The following ENTPD1 variants were observed in gnomAD, a reference collection of about 807,000 sequenced individuals.
ENTPD1 encodes ATP diphosphohydrolase.
In ENTPD1, 33 loss-of-function variants were observed where a neutral mutation model predicts 57.0. The observed-to-expected ratio is 0.58, with a 90% CI of 0.44 to 0.77. The LOEUF (loss-of-function observed/expected upper bound fraction) is 0.77, where lower values mean the gene tolerates loss of function less well. ENTPD1 is among the 30% of genes least tolerant of loss of function. The pLI is 0.00. For missense variants in ENTPD1, 501 were observed against 603.4 expected (o/e 0.83, Z 1.78); for synonymous variants, 202 against 218.8 (o/e 0.92, Z 0.68).
At chr10:95,730,134 T>C (rs2097987694) in intron 1 of ENTPD1, among the ~76,000 whole-genome samples, 1 of 152,114 alleles carries the variant, frequency 6.6e-6, no homozygotes, top group African/African-American at 2.4e-5. Flanking sequence ...TCTCCCAGGC[T>C]CAAGTGATCT....
chr10:95,864,875 C>T lies in ENTPD1; in HGVS notation c.1326+14C>T, dbSNP rs189600934. On this transcript the variant is annotated intron_variant, in intron 9 of 9. Coordinates refer to ENST00000371205, the MANE Select transcript of ENTPD1 (RefSeq NM_001776.6). ...TTCATTGGCAAGGTAATTTGGGGGCCTGTTGGGCTGGGGGGAGGTTGGGGT... is the reference window on the plus strand; with the variant it reads ...TTCATTGGCAAGGTAATTTGGGGGCTTGTTGGGCTGGGGGGAGGTTGGGGT... 2.5e-6 allele frequency: 4 copies of T among 1,607,446 alleles called. No individual in the cohort carries two copies. The highest frequency in any genetic ancestry group is 1.7e-5 in the Admixed American group (1 of 59,754).
chr10:95,864,716 ACTTCT>A lies in ENTPD1; in HGVS notation c.1189-7_1189-3del. ...ACGAGTATGATCTCCCCCTCACTTC[ACTTCT>A]AGATAAAAACATCTTACGCTGGAGT... On this transcript the variant is annotated splice_region_variant and splice_polypyrimidine_tract_variant and intron_variant, in intron 8 of 9. Coordinates refer to ENST00000371205, the MANE Select transcript of ENTPD1 (RefSeq NM_001776.6). 1 of 1,614,058 alleles carries A rather than the reference ACTTCT, an allele frequency of 6.2e-7. No homozygotes were observed. The highest frequency in any genetic ancestry group is 2.2e-5 in the East Asian group (1 of 44,872).
intron 3 of ENTPD1, among the ~76,000 whole-genome samples, chr10:95,841,483 C>A (rs911082550): frequency 2.6e-5 from 4 of 152,186 alleles, no homozygotes; most frequent in Admixed American, 2.6e-4. Flanking sequence ...AGAGAGAGTT[C>A]TCTAGTTAAT....
intron 8 of ENTPD1, among the ~76,000 whole-genome samples, chr10:95,861,857 A>C (rs568314414): frequency 6.6e-6 from 1 of 152,102 alleles, no homozygotes; most frequent in Admixed American, 6.5e-5. Context: ...TTAGCCGGGC[A>C]TGGTGGTGGG....
intron 2 of ENTPD1, among the ~76,000 whole-genome samples, chr10:95,837,497 T>C (rs1306854689): frequency 3.3e-5 from 5 of 152,070 alleles, no homozygotes; most frequent in Admixed American, 3.3e-4. Context: ...TGCAGAGGAG[T>C]CTGTCCAGCT....
In ENTPD1 at chr10:95,869,965, T is replaced by C. The variant is rs1178252145; in HGVS notation, c.*3582T>C. ...ACTGGACAGCACATGTCCAAAAAAA[T>C]ACACGTAAAGTTAAAGTTTAAAAGA... On this transcript the variant is annotated 3_prime_UTR_variant, in exon 10 of 10. Coordinates refer to ENST00000371205, the MANE Select transcript of ENTPD1 (RefSeq NM_001776.6). 1 of 985,466 alleles carries C rather than the reference T, an allele frequency of 1.0e-6. No homozygotes were observed. The highest frequency in any genetic ancestry group is 1.2e-6 in the Non-Finnish European group (1 of 829,928). 61.0% of individuals were successfully genotyped at this position (985,466 alleles called of 1,614,324 possible).
intron 1 of ENTPD1, among the ~76,000 whole-genome samples, chr10:95,759,710 C>T (rs183733522): frequency 1.5e-4 from 23 of 152,260 alleles, no homozygotes; most frequent in African/African-American, 4.6e-4. Flanking sequence ...AGTTTGCTCA[C>T]GGTCTAGTGG....
At chr10:95,815,442 G>T (rs768285464) in intron 1 of ENTPD1, among the ~76,000 whole-genome samples, 3 of 152,150 alleles carry the variant, frequency 2.0e-5, no homozygotes, top group Non-Finnish European at 4.4e-5. Flanking sequence ...GTAGGACATT[G>T]GTATCCTCAG....
At chr10:95,859,618 A>G (rs1467070904) in intron 7 of ENTPD1, among the ~76,000 whole-genome samples, 2 of 152,216 alleles carry the variant, frequency 1.3e-5, no homozygotes, top group Non-Finnish European at 2.9e-5. Context: ...GAAAGAGGAA[A>G]AGCACTGGAG....
upstream of ENTPD1, among the ~76,000 whole-genome samples, chr10:95,710,957 A>T (rs1299757135): frequency 6.6e-6 from 1 of 152,146 alleles, no homozygotes; most frequent in Non-Finnish European, 1.5e-5. Context: ...CCAGGATCCC[A>T]GAAAATGGTA....
At chr10:95,696,358 G>A in the ENTPD1 span, among the ~76,000 whole-genome samples, 1 of 152,118 alleles carries the variant, frequency 6.6e-6, no homozygotes, top group Non-Finnish European at 1.5e-5. Flanking sequence ...TTGGCTCACT[G>A]CAACCTCCAC....
At chr10:95,844,884 A>C (rs2098431158) in intron 5 of ENTPD1, 1 of 567,444 alleles carries the variant, frequency 1.8e-6, no homozygotes, top group Non-Finnish European at 3.1e-6. Flanking sequence ...AAGGAAATTA[A>C]AAATTTATCA....
intron 1 of ENTPD1, among the ~76,000 whole-genome samples, chr10:95,771,156 C>T (rs772611926): frequency 2.6e-5 from 4 of 152,064 alleles, no homozygotes; most frequent in African/African-American, 7.2e-5. Context: ...AATTGAATGG[C>T]TTTTACCATA....
At chr10:95,740,677 C>A (rs1255595916) in intron 1 of ENTPD1, among the ~76,000 whole-genome samples, 1 of 152,214 alleles carries the variant, frequency 6.6e-6, no homozygotes, top group Admixed American at 6.5e-5. Flanking sequence ...CATTGAAAAT[C>A]TGTTGTTTCG....
In ENTPD1 at chr10:95,869,410, C is replaced by T. The variant is rs948214777; in HGVS notation, c.*3027C>T. ...GATTGCAGGTGCCCACCACCACACC[C>T]GGCTAATTTTTGTATTTTTAGTAAA... On this transcript the variant is annotated 3_prime_UTR_variant, in exon 10 of 10. Coordinates refer to ENST00000371205, the MANE Select transcript of ENTPD1 (RefSeq NM_001776.6). 6.3e-5 allele frequency: 42 copies of T among 669,350 alleles called. No homozygotes were observed. Among genetic ancestry groups the T allele is most frequent in the Non-Finnish European group, 7.0e-5 (38 of 541,960 alleles). The allele number at this position is 669,350 out of a possible 1,614,324, so 41.5% of individuals were successfully genotyped here.
the ENTPD1 span, among the ~76,000 whole-genome samples, chr10:95,698,959 C>G: frequency 3.3e-5 from 5 of 152,010 alleles, no homozygotes. Flanking sequence ...CTCAAAAGAT[C>G]TACATTTGAA....
chr10:95,742,037 A>T (rs1037362313), intron 1 of ENTPD1, among the ~76,000 whole-genome samples: 1 of 152,110 alleles, frequency 6.6e-6, no homozygotes, highest in Non-Finnish European at 1.5e-5. Flanking sequence ...CTGTTCTGGT[A>T]TTGTGGGATA....
At chr10:95,781,242 C>T (rs1310885965) in intron 1 of ENTPD1, among the ~76,000 whole-genome samples, 2 of 151,918 alleles carry the variant, frequency 1.3e-5, no homozygotes, top group African/African-American at 4.8e-5. Context: ...AGGATGGTTA[C>T]TAGAGGCTGG....
chr10:95,806,295 G>C (rs6584030), intron 1 of ENTPD1, among the ~76,000 whole-genome samples: 81,997 of 151,966 alleles, frequency 0.54, 22,537 homozygotes, highest in Admixed American at 0.63. Flanking sequence ...GCTAATGAAG[G>C]TTGTGCATGT....
Sources: allele counts gnomAD v4.1 joint callset (sites outside exome capture counted in the v4.1 genomes callset), GRCh38; gene constraint gnomAD v4.1.1; transcripts MANE v1.5; gene names NCBI Gene and HGNC (gene_info 2026-07-23, HGNC 2026-07-21).